CPVL: variants seen among roughly 807,000 people sequenced by gnomAD.
CPVL encodes probable serine carboxypeptidase CPVL.
CPVL carries 51 observed loss-of-function variants against 63.7 expected under a neutral mutation model. The observed-to-expected ratio is 0.80, with a 90% confidence interval of 0.64 to 1.01. The LOEUF (loss-of-function observed/expected upper bound fraction) is 1.01. CPVL is among the 50% of genes least tolerant of loss of function. The pLI is 0.00. For missense variants in CPVL, 530 were observed against 573.1 expected (o/e 0.92, Z 0.77); for synonymous variants, 195 against 206.0 (o/e 0.95, Z 0.46).
chr7:29,109,992 T>G (rs571371151), intron 3 of CPVL, among the ~76,000 whole-genome samples: 1 of 152,348 alleles, frequency 6.6e-6, no homozygotes, highest in African/African-American at 2.4e-5. Flanking sequence ...ACCTACATTC[T>G]AGACATAGCT....
At position 29,092,613 on chromosome 7, in the gene CPVL, A is replaced by G. The variant is rs371249691; in HGVS notation, c.542+10T>C. 1.9e-4 allele frequency: 309 copies of G among 1,598,264 alleles called. No individual in the cohort carries two copies. The highest frequency in any genetic ancestry group is 2.5e-4 in the Non-Finnish European group (286 of 1,165,792). On this transcript the variant is annotated intron_variant, in intron 6 of 12. Coordinates refer to ENST00000265394, the MANE Select transcript of CPVL (RefSeq NM_031311.5). ...CTTAGGAAAGCCAAGAGAAAGCAGG[A>G]GCATTTTACCTGTATAAATCCCGTG...
chr7:29,056,848 T>C (rs529510466), intron 11 of CPVL, among the ~76,000 whole-genome samples: 3 of 152,326 alleles, frequency 2.0e-5, no homozygotes, highest in Non-Finnish European at 2.9e-5. Context: ...GTGTTGTCAG[T>C]ATTTTGGATT....
chr7:29,039,613 C>A (rs746070562), intron 11 of CPVL, among the ~76,000 whole-genome samples: 2 of 152,048 alleles, frequency 1.3e-5, no homozygotes, highest in Non-Finnish European at 2.9e-5. Flanking sequence ...GAAAATAAAT[C>A]ATGTGAGGTC....
rs781017741 is a variant in CPVL at position 29,096,225 on chromosome 7, A to G, written c.289-8T>C. 1 of 1,602,332 alleles carries G rather than the reference A, an allele frequency of 6.2e-7. No individual in the cohort carries two copies. Among genetic ancestry groups the G allele is most frequent in the South Asian group, 1.1e-5 (1 of 90,824 alleles). ...GGCATCTTCTGGCTGTATCTAGAGG[A>G]AACAGTAAAACCAGTGACCACACAG... On this transcript the variant is annotated splice_region_variant and splice_polypyrimidine_tract_variant and intron_variant, in intron 3 of 12. Coordinates refer to ENST00000265394, the MANE Select transcript of CPVL (RefSeq NM_031311.5).
At chr7:29,136,527 C>T (rs188596555) in intron 1 of CPVL, among the ~76,000 whole-genome samples, 1 of 151,990 alleles carries the variant, frequency 6.6e-6, no homozygotes, top group East Asian at 1.9e-4. Context: ...ATAGAAAATA[C>T]CTCAAATAAA....
chr7:29,157,660 A>C (rs1029078126), intron 5 of CPVL, among the ~76,000 whole-genome samples: 2 of 152,192 alleles, frequency 1.3e-5, no homozygotes, highest in Admixed American at 6.5e-5. Context: ...ATAATGTTTC[A>C]TTGGAGATAA....
At chr7:29,021,426 A>C (rs545043484) in intron 12 of CPVL, among the ~76,000 whole-genome samples, 19 of 152,276 alleles carry the variant, frequency 1.2e-4, no homozygotes, top group Non-Finnish European at 2.2e-4. Flanking sequence ...ATAGATAATT[A>C]GATGTCAAAT....
At chr7:29,006,862 A>T (rs1348403548) in intron 12 of CPVL, among the ~76,000 whole-genome samples, 6 of 151,864 alleles carry the variant, frequency 4.0e-5, no homozygotes, top group Non-Finnish European at 7.4e-5. Flanking sequence ...TCTTAACACA[A>T]TTTTTTCCAT....
intron 12 of CPVL, among the ~76,000 whole-genome samples, chr7:29,000,642 C>T (rs933230253): frequency 1.4e-4 from 21 of 152,212 alleles, no homozygotes; most frequent in African/African-American, 5.1e-4. Context: ...ATGTGATGCC[C>T]CAAGTGACAT....
intron 12 of CPVL, among the ~76,000 whole-genome samples, chr7:29,004,723 C>A (rs1785001307): frequency 1.3e-5 from 2 of 152,052 alleles, no homozygotes; most frequent in East Asian, 3.9e-4. Flanking sequence ...CGCACTGTGC[C>A]TAGGACCAAG....
chr7:29,051,855 C>A (rs1790192432), intron 11 of CPVL, among the ~76,000 whole-genome samples: 1 of 151,526 alleles, frequency 6.6e-6, no homozygotes, highest in Admixed American at 6.6e-5. Flanking sequence ...CCCAAATGCC[C>A]ATCAACCAAC....
chr7:29,173,166 TA>T (rs1796834914), intron 5 of CPVL, among the ~76,000 whole-genome samples: 1 of 151,448 alleles, frequency 6.6e-6, no homozygotes, highest in African/African-American at 2.4e-5. Flanking sequence ...AGATAGTTTT[TA>T]AAAAAACATT....
intron 5 of CPVL, among the ~76,000 whole-genome samples, chr7:29,154,438 G>A (rs1207774326): frequency 1.3e-5 from 2 of 152,126 alleles, no homozygotes; most frequent in African/African-American, 4.8e-5. Flanking sequence ...CTCAGCAGGT[G>A]TGAGCTCAAA....
At position 29,146,439 on chromosome 7, in the gene CPVL, C is replaced by T. The variant is rs974170532; in HGVS notation, c.-21G>A. 3 of 1,245,646 alleles carry T rather than the reference C, an allele frequency of 2.4e-6. No individual in the cohort carries two copies. Among genetic ancestry groups the T allele is most frequent in the Middle Eastern group, 2.9e-4 (1 of 3,498 alleles). 77.2% of individuals were successfully genotyped at this position (1,245,646 alleles called of 1,614,324 possible). A position where few individuals can be genotyped will look rare whatever the true frequency, so the allele number is the denominator to read the frequency against. ...GCAGGCGGCACTTACGCGGCGCAGT[C>T]GGTGCTCCTCCCTGAGCCGCGGCGC... On this transcript the variant is annotated 5_prime_UTR_variant, in exon 1 of 13. Transcript: ENST00000265394.
intron 12 of CPVL, among the ~76,000 whole-genome samples, chr7:29,019,214 A>T (rs999074335): frequency 6.6e-6 from 1 of 152,188 alleles, no homozygotes; most frequent in African/African-American, 2.4e-5. Flanking sequence ...CTTAGAAATA[A>T]GTTAGTCCAG....
At chr7:29,127,301 A>C (rs1211163066) in intron 1 of CPVL, among the ~76,000 whole-genome samples, 2 of 152,216 alleles carry the variant, frequency 1.3e-5, no homozygotes, top group Non-Finnish European at 2.9e-5. Flanking sequence ...CCTGTGACTA[A>C]AGGCACCATC....
intron 3 of CPVL, among the ~76,000 whole-genome samples, chr7:29,099,065 C>CA (rs890355858): frequency 6.6e-6 from 1 of 150,968 alleles, no homozygotes; most frequent in Non-Finnish European, 1.5e-5. Context: ...AACTCCGTCT[C>CA]AAAAAAATAA....
chr7:29,165,364 A>G (rs1231202754), intron 5 of CPVL, among the ~76,000 whole-genome samples: 2 of 152,156 alleles, frequency 1.3e-5, no homozygotes, highest in Non-Finnish European at 2.9e-5. Context: ...TGATTTTTAT[A>G]TATTACTCTT....
chr7:29,097,041 T>C (rs1007572642), intron 3 of CPVL, among the ~76,000 whole-genome samples: 3 of 148,814 alleles, frequency 2.0e-5, no homozygotes, highest in Non-Finnish European at 3.0e-5. Flanking sequence ...GACAACTTCA[T>C]TCAACATGGT....
Sources: allele counts gnomAD v4.1 joint callset (sites outside exome capture counted in the v4.1 genomes callset), GRCh38; gene constraint gnomAD v4.1.1; transcripts MANE v1.5; gene names NCBI Gene and HGNC (gene_info 2026-07-23, HGNC 2026-07-21).